Variants in MICAL1 observed in about 807,000 individuals in gnomAD.
The protein encoded by MICAL1 is [F-actin]-monooxygenase MICAL1.
MICAL1 carries 95 observed loss-of-function variants against 131.8 expected under a neutral mutation model. The observed-to-expected ratio is 0.72, with a 90% CI of 0.61 to 0.86. The LOEUF is 0.86. Ranked by LOEUF, MICAL1 falls within the 40% of genes least tolerant of loss-of-function variation. The pLI is 0.00. For missense variants in MICAL1, 1,292 were observed against 1,380.6 expected (o/e 0.94, Z 1.02); for synonymous variants, 546 against 554.2 (o/e 0.99, Z 0.21).
chr6:109,456,832 C>T (rs1370248684), upstream of MICAL1, among the ~76,000 whole-genome samples: 2 of 152,232 alleles, frequency 1.3e-5, no homozygotes, highest in African/African-American at 4.8e-5. Flanking sequence ...CACAGATGTT[C>T]TGTGATCTGC....
chr6:109,461,960 T>C (rs931998082), intron 1 of MICAL1, among the ~76,000 whole-genome samples: 1 of 152,176 alleles, frequency 6.6e-6, no homozygotes, highest in Non-Finnish European at 1.5e-5. Flanking sequence ...CAGAATGTCA[T>C]GAAGATTAAG....
intron 1 of MICAL1, chr6:109,463,335 A>G (rs1470851176): frequency 1.3e-5 from 2 of 152,188 alleles, no homozygotes; most frequent in East Asian, 3.9e-4. Context: ...GGGACAAAGA[A>G]AGAGGCTAGA....
chr6:109,457,639 C>T (rs1033868483), upstream of MICAL1, among the ~76,000 whole-genome samples: 3 of 152,156 alleles, frequency 2.0e-5, no homozygotes, highest in African/African-American at 7.2e-5. Context: ...CACAACTAGC[C>T]GCTCCACTTA....
intron 17 of MICAL1, 87 bp from the exon 18 acceptor site, chr6:109,446,859 A>C: frequency 7.3e-7 from 1 of 1,377,760 alleles, no homozygotes; most frequent in Non-Finnish European, 1.0e-6. Flanking sequence ...AGGTGGGGAA[A>C]ACAAGACAGA....
rs1200485819 is a variant in MICAL1, at chr6:109,449,997, G to C, written c.1280C>G (p.Ala427Gly). The C allele has an allele frequency of 6.2e-7, 1 of 1,614,042 alleles. No homozygotes were observed. The highest frequency in any genetic ancestry group is 8.5e-7 in the Non-Finnish European group (1 of 1,179,966). Residue 427 changes from alanine (A) to glycine (G), a missense_variant, in exon 9 of 25, where the codon GCT (alanine) becomes GGT (glycine). Transcript: ENST00000358807. The stretch of plus-strand genomic sequence containing the variant: ...CTCAGCCAACACCTCTAGGGACTCA[G>C]CGCCCTCTGCCCACCGCTTCACCAT... Reference protein sequence around the residue: ...AWMVKRWAEGAESLEVLAERE... With the variant: ...AWMVKRWAEGGESLEVLAERE...
In MICAL1 at chr6:109,455,665, C is replaced by A; in HGVS notation, c.-44+54G>T. On this transcript the variant is annotated intron_variant, in intron 1 of 24. Transcript: ENST00000358807. This position sits in a 1 kb window ranked among gnomAD's most constrained non-coding sequence, Gnocchi z 4.7. ...GCTGCGTTTCCCCGGAAGCGCACCC[C>A]ACCTCACCCCACCCGGCCGCGGGGC... is the stretch of plus-strand genomic sequence containing the variant. 1.0e-6 allele frequency: 1 copy of A among 981,758 alleles called. No homozygotes were observed. Among genetic ancestry groups the A allele is most frequent in the Non-Finnish European group, 1.2e-6 (1 of 826,658 alleles). 60.8% of individuals were successfully genotyped at this position (981,758 alleles called of 1,614,324 possible). A position where few individuals can be genotyped will look rare whatever the true frequency, so the allele number is the denominator to read the frequency against.
At chr6:109,449,060 ATC>A (rs1383680978) in intron 11 of MICAL1, 181 bp from the exon 12 acceptor site, 3 of 830,180 alleles carry the variant, frequency 3.6e-6, no homozygotes, top group Non-Finnish European at 5.5e-6. Context: ...TTTAAAAAAA[ATC>A]TCTTTGGAAT....
chr6:109,452,995 T>TA (rs1775605783), intron 4 of MICAL1, among the ~76,000 whole-genome samples: 1 of 151,744 alleles, frequency 6.6e-6, no homozygotes, highest in African/African-American at 2.4e-5. Context: ...CGTCTCTACT[T>TA]AAAAAAATAC....
intron 19 of MICAL1, 85 bp downstream of exon 19, chr6:109,446,051 C>A: frequency 3.4e-6 from 5 of 1,491,766 alleles, no homozygotes; most frequent in Non-Finnish European, 3.6e-6. Context: ...CAACTTCCCT[C>A]TGTATTCCCC....
Position 109,449,783 on chromosome 6 carries a change from A to G in MICAL1, c.1308T>C (p.Arg436=), listed in dbSNP as rs1249824772. 6.2e-7 allele frequency: 1 copy of G among 1,608,142 alleles called. No individual in the cohort carries two copies. The highest frequency in any genetic ancestry group is 1.3e-5 in the African/African-American group (1 of 74,908). ...GTGACAGAAGCTGGTACAGGCTCTC[A>G]CTGAGGGGGTGAGGGTAAGGGGCAG... ...GAESLEVLAE[R]ESLYQLLSQT... The change falls in exon 10 of 25, where the codon CGT becomes CGC. Residue 436 remains arginine, a splice_region_variant and synonymous_variant. Coordinates refer to ENST00000358807, the MANE Select transcript of MICAL1 (RefSeq NM_022765.4).
At chr6:109,464,446 T>C (rs776060075) in intron 1 of MICAL1, 12 of 152,304 alleles carry the variant, frequency 7.9e-5, no homozygotes, top group East Asian at 1.9e-4. Flanking sequence ...CCCATCAGCA[T>C]TGTTAATTTA....
In MICAL1 at chr6:109,453,728, G is replaced by A. The variant is rs1582653087; in HGVS notation, c.376C>T (p.His126Tyr). The change falls in exon 3 of 25, where the codon CAC (histidine) becomes TAC (tyrosine). Residue 126 changes from histidine (H) to tyrosine (Y), a missense_variant. By Grantham distance (83) the His-to-Tyr change is moderately conservative. Coordinates refer to ENST00000358807, the MANE Select transcript of MICAL1 (RefSeq NM_022765.4). The stretch of plus-strand genomic sequence containing the variant: ...TCGTGGATGGTGAAGGGCCAGAGGT[G>A]GAGCACGTTGTGGCGAGAGAACTTG... Reference protein sequence around the residue: ...RTKFSRHNVLHLWPFTIHDLR... With the variant: ...RTKFSRHNVLYLWPFTIHDLR... 6 of 1,613,766 alleles carry A rather than the reference G, an allele frequency of 3.7e-6. No homozygotes were observed. The East Asian group carries it at 1.1e-4, about 30-fold the overall frequency.
chr6:109,455,914 G>T, upstream of MICAL1: 1 of 985,508 alleles, frequency 1.0e-6, no homozygotes, highest in Non-Finnish European at 1.2e-6. This position sits in a 1 kb window ranked among gnomAD's most constrained non-coding sequence, Gnocchi z 4.7. Context: ...GCGCCGCCCG[G>T]GCTTTATTCG....
At chr6:109,448,604 C>G in intron 12 of MICAL1, 128 bp downstream of exon 12, 1 of 1,407,066 alleles carries the variant, frequency 7.1e-7, no homozygotes, top group Non-Finnish European at 9.8e-7. Context: ...TCTCCACTAT[C>G]TGAATGCATT....
chr6:109,450,318 C>A lies in MICAL1; in HGVS notation c.1173G>T (p.Val391=), dbSNP rs1398285421. ...KHGARLLLGL[V]GDCLVEPFWP... is the part of the protein sequence containing the mutation. ...CCCTCACCTCCACCAGGCAGTCCCC[C>A]ACCAGTCCCAGCAGCAGGCGGGCGC... Residue 391 remains valine, a synonymous_variant, in exon 8 of 25, where the codon GTG becomes GTT. Coordinates refer to ENST00000358807, the MANE Select transcript of MICAL1 (RefSeq NM_022765.4). The A allele has an allele frequency of 1.2e-6, 2 of 1,608,318 alleles. No individual in the cohort carries two copies. The highest frequency in any genetic ancestry group is 2.2e-5 in the South Asian group (2 of 90,974).
In MICAL1 at chr6:109,444,114, C is replaced by T. The variant is rs1176909867; in HGVS notation, c.*77G>A. 4 of 1,545,760 alleles carry T rather than the reference C, an allele frequency of 2.6e-6. No homozygotes were observed. The East Asian group carries it at 9.0e-5, about 35-fold the overall frequency. ...ACAGCAAGGCTCTCTGCCAGGCAGC[C>T]CAGATGAACAGGGGTGGCACTGTGC... On this transcript the variant is annotated 3_prime_UTR_variant, in exon 25 of 25. Coordinates refer to ENST00000358807, the MANE Select transcript of MICAL1 (RefSeq NM_022765.4).
At chr6:109,457,289 G>A (rs1775777161), upstream of MICAL1, among the ~76,000 whole-genome samples, 1 of 152,164 alleles carries the variant, frequency 6.6e-6, no homozygotes, top group Admixed American at 6.5e-5. Flanking sequence ...AGTGTGACAC[G>A]TCATTTGGCT....
upstream of MICAL1, among the ~76,000 whole-genome samples, chr6:109,456,188 G>A (rs1188868049): frequency 6.6e-6 from 1 of 152,218 alleles, no homozygotes; most frequent in East Asian, 1.9e-4. Flanking sequence ...CCGCCGCAAG[G>A]CGAGGACCAC....
In MICAL1 at chr6:109,446,187, CG is replaced by C. The variant is rs1376634796; in HGVS notation, c.2529del (p.His843GlnfsTer61). 1 of 1,585,838 alleles carries C rather than the reference CG, an allele frequency of 6.3e-7. No individual in the cohort carries two copies. The highest frequency in any genetic ancestry group is 8.6e-7 in the Non-Finnish European group (1 of 1,168,012). On this transcript the variant is annotated frameshift_variant, in exon 19 of 25. Coordinates refer to ENST00000358807, the MANE Select transcript of MICAL1 (RefSeq NM_022765.4). LOFTEE classifies it high-confidence loss of function. ...PPRSCSALAR[H>X]ALESSFVGWG... is the part of the protein sequence containing the mutation. Reference sequence around the variant, plus strand: ...CAGCCCACAAAGCTGCTCTCCAGGGCGTGGCGGGCCAAGGCGGAGCAGCTGC... The same window carrying C: ...CAGCCCACAAAGCTGCTCTCCAGGGCTGGCGGGCCAAGGCGGAGCAGCTGC...
Sources: gnomAD v4.1 joint callset for allele counts (sites outside exome capture counted in the v4.1 genomes callset) on GRCh38, gnomAD v4.1.1 for gene constraint, Gnocchi (gnomAD v3.1) non-coding constraint, MANE v1.5 for transcripts, NCBI Gene and HGNC (gene_info 2026-07-23, HGNC 2026-07-21) for gene names.